Variants in HNRNPA2B1 observed in about 807,000 individuals in gnomAD.
HNRNPA2B1 encodes the protein heterogeneous nuclear ribonucleoprotein A2/B1.
HNRNPA2B1 carries 3 observed loss-of-function variants against 46.3 expected under a neutral mutation model. The ratio of observed to expected loss-of-function variants is 0.06; its 90% confidence interval spans 0.03 to 0.17. The LOEUF (loss-of-function observed/expected upper bound fraction) is 0.17. Ranked by LOEUF, HNRNPA2B1 falls within the 10% of genes least tolerant of loss-of-function variation. The pLI, the probability that HNRNPA2B1 is intolerant of heterozygous loss-of-function variation, is 1.00. For synonymous variants in HNRNPA2B1, 225 were observed against 133.8 expected, an observed-to-expected ratio of 1.68 and a Z score of -4.70; for missense variants, 221 against 418.9, an observed-to-expected ratio of 0.53 and a Z score of 4.12.
chr7:26,193,707 A>G lies in HNRNPA2B1; in HGVS notation c.722-13T>C. Reference sequence around the variant, plus strand: ...CCAAAATTGCCACCTATTATAAAATAAGCCTTTAAGTAATCACTTAATATT... The same window carrying G: ...CCAAAATTGCCACCTATTATAAAATGAGCCTTTAAGTAATCACTTAATATT... On this transcript the variant is annotated splice_polypyrimidine_tract_variant and intron_variant, in intron 7 of 10. Coordinates refer to ENST00000618183, the MANE Select transcript of HNRNPA2B1 (RefSeq NM_002137.4). 1.2e-6 allele frequency: 2 copies of G among 1,605,670 alleles called. No individual in the cohort carries two copies. Among genetic ancestry groups the G allele is most frequent in the South Asian group, 2.2e-5 (2 of 90,250 alleles).
rs546204428 is a variant in HNRNPA2B1 at position 26,200,036 on chromosome 7, A to G, written c.6+536T>C. The G allele has an allele frequency of 1.6e-3, 257 of 159,576 alleles. 1 individual carries two copies. Among genetic ancestry groups the G allele is most frequent in the Middle Eastern group, 3.3e-3 (1 of 300 alleles). The allele number at this position is 159,576 out of a possible 1,614,324, so 9.9% of individuals were successfully genotyped here. A position where few individuals can be genotyped will look rare whatever the true frequency, so the allele number is the denominator to read the frequency against. ...CGATATGAAAACAGCCCGAGAAGAA[A>G]AAAAAATAGTTAACCACTTCTACTT... On this transcript the variant is annotated intron_variant, in intron 1 of 10. Transcript: ENST00000618183.
chr7:26,199,108 C>T (rs954166149), intron 1 of HNRNPA2B1: 1 of 152,406 alleles, frequency 6.6e-6, no homozygotes, highest in African/African-American at 2.4e-5. Flanking sequence ...CATAGGTTAT[C>T]TCTAAACTGA....
intron 1 of HNRNPA2B1, chr7:26,200,109 C>A: frequency 5.0e-6 from 1 of 198,966 alleles, no homozygotes; most frequent in East Asian, 1.3e-4. Context: ...ATAAGGAAAA[C>A]GCTGAGAGGA....
intron 7 of HNRNPA2B1, among the ~76,000 whole-genome samples, chr7:26,194,375 G>A (rs965395471): frequency 6.6e-6 from 1 of 150,558 alleles, no homozygotes; most frequent in Non-Finnish European, 1.5e-5. Flanking sequence ...CAGCCTGGGC[G>A]ACAGAGAGAG....
Position 26,192,269 on chromosome 7 carries a change from GT to G in HNRNPA2B1, c.*90del, listed in dbSNP as rs1583962884. On this transcript the variant is annotated 3_prime_UTR_variant, in exon 11 of 11. Transcript: ENST00000618183. ...CTGAGATAAGAGTTTCCTTAACATT[GT>G]TATTTCGATAACCTGAAGCTGTTCT... 1 of 468,360 alleles carries G rather than the reference GT, an allele frequency of 2.1e-6. No homozygotes were observed. Among genetic ancestry groups the G allele is most frequent in the Non-Finnish European group, 3.8e-6 (1 of 261,236 alleles). 29.0% of individuals were successfully genotyped at this position (468,360 alleles called of 1,614,324 possible).
At position 26,190,784 on chromosome 7, in the gene HNRNPA2B1, A is replaced by G. The variant is rs1156464759; in HGVS notation, c.*1576T>C. ...ACACTTCACTCAAGTATGAACTACT[A>G]TCTGAAAATAGATTCAACCATTTTT... is the stretch of plus-strand genomic sequence containing the variant. On this transcript the variant is annotated 3_prime_UTR_variant, in exon 11 of 11. Coordinates refer to ENST00000618183, the MANE Select transcript of HNRNPA2B1 (RefSeq NM_002137.4). The G allele has an allele frequency of 1.3e-5, 2 of 152,232 alleles. No individual in the cohort carries two copies. Among genetic ancestry groups the G allele is most frequent in the East Asian group, 3.8e-4 (2 of 5,198 alleles). 9.4% of individuals were successfully genotyped at this position (152,232 alleles called of 1,614,324 possible).
In HNRNPA2B1 at chr7:26,192,740, G is replaced by A. The variant is rs191801121; in HGVS notation, c.965-163C>T. On this transcript the variant is annotated intron_variant, in intron 9 of 10. Transcript: ENST00000618183. ...GAATTACTCAGGAGATAAATTACTC[G>A]GGTTCATAGACATTTTTATTTCGTG... Among the ~76,000 whole-genome samples the A allele has an allele frequency of 3.2e-4, 49 of 152,118 alleles. No individual in the cohort carries two copies. In the Middle Eastern group the frequency reaches 0.01, roughly 32 times the overall value.
chr7:26,200,707 C>G lies in HNRNPA2B1; in HGVS notation c.-130G>C. On this transcript the variant is annotated 5_prime_UTR_variant, in exon 1 of 11. Transcript: ENST00000618183. ...TGCCGCTGCTCGAGAAACAACTCTG[C>G]GAGGAGCACCTCCGCACGGGACCCG... 3.4e-6 allele frequency: 4 copies of G among 1,163,992 alleles called. No homozygotes were observed. The highest frequency in any genetic ancestry group is 5.1e-6 in the Non-Finnish European group (4 of 780,438). 72.1% of individuals were successfully genotyped at this position (1,163,992 alleles called of 1,614,324 possible).
At chr7:26,198,306 C>T (rs1227976292) in intron 1 of HNRNPA2B1, 2 of 153,876 alleles carry the variant, frequency 1.3e-5, no homozygotes, top group African/African-American at 4.8e-5. Context: ...ACAACAAACA[C>T]TAAGTTTCTC....
intron 1 of HNRNPA2B1, chr7:26,200,045 G>C (rs966107092): frequency 1.3e-5 from 2 of 159,540 alleles, no homozygotes; most frequent in Non-Finnish European, 2.8e-5. Flanking sequence ...AAAAAAAATA[G>C]TTAACCACTT....
In HNRNPA2B1 at chr7:26,192,253, G is replaced by A. The variant is rs778830338; in HGVS notation, c.*107C>T. On this transcript the variant is annotated 3_prime_UTR_variant, in exon 11 of 11. Coordinates refer to ENST00000618183, the MANE Select transcript of HNRNPA2B1 (RefSeq NM_002137.4). ...GCATATTTATGCATGACTGAGATAA[G>A]AGTTTCCTTAACATTGTTATTTCGA... 5.1e-5 allele frequency: 22 copies of A among 428,358 alleles called. No homozygotes were observed. The highest frequency in any genetic ancestry group is 8.0e-5 in the Non-Finnish European group (19 of 237,512). 26.5% of individuals were successfully genotyped at this position (428,358 alleles called of 1,614,324 possible).
chr7:26,193,196 A>G, intron 9 of HNRNPA2B1, 55 bp downstream of exon 9: 1 of 1,549,772 alleles, frequency 6.5e-7, no homozygotes, highest in African/African-American at 1.4e-5. Flanking sequence ...TTAAGTCACA[A>G]AAGGCTAATC....
intron 7 of HNRNPA2B1, among the ~76,000 whole-genome samples, chr7:26,193,932 C>A (rs1783198163): frequency 6.6e-6 from 1 of 152,166 alleles, no homozygotes; most frequent in Non-Finnish European, 1.5e-5. Context: ...CACAGCTTTC[C>A]CTCAAAACTA....
chr7:26,198,128 A>G, intron 1 of HNRNPA2B1: 1 of 332,490 alleles, frequency 3.0e-6, no homozygotes, highest in East Asian at 5.0e-5. Flanking sequence ...TACAACCTAA[A>G]AACGCAAATT....
At chr7:26,200,208 C>T (rs1390730120) in intron 1 of HNRNPA2B1, 5 of 308,528 alleles carry the variant, frequency 1.6e-5, no homozygotes, top group Admixed American at 9.5e-5. Flanking sequence ...CGAGGACCTG[C>T]TGCCCGCCGA....
chr7:26,197,274 G>T (rs747988963), intron 3 of HNRNPA2B1, 41 bp downstream of exon 3: 25 of 1,556,764 alleles, frequency 1.6e-5, no homozygotes, highest in South Asian at 1.3e-4. Context: ...GCAGGGCAGC[G>T]TTCTTCATGT....
intron 1 of HNRNPA2B1, 60 bp from the exon 2 acceptor site, chr7:26,197,792 T>G: frequency 6.2e-7 from 1 of 1,600,140 alleles, no homozygotes; most frequent in Non-Finnish European, 8.5e-7. Flanking sequence ...ATGCAGGAAA[T>G]TAAATTCTTA....
chr7:26,196,367 C>T, intron 6 of HNRNPA2B1, 34 bp downstream of exon 6: 8 of 1,521,350 alleles, frequency 5.3e-6, no homozygotes, highest in Non-Finnish European at 6.3e-6. Context: ...TAAAAGCACA[C>T]TCATCCTTTA....
chr7:26,200,443 A>C (rs970221072), intron 1 of HNRNPA2B1, 129 bp downstream of exon 1: 4 of 906,214 alleles, frequency 4.4e-6, no homozygotes, highest in Middle Eastern at 2.1e-4. Context: ...ATAAACCTTA[A>C]GCCCCACTGC....
Sources: gnomAD v4.1 joint callset for allele counts (sites outside exome capture counted in the v4.1 genomes callset) on GRCh38, gnomAD v4.1.1 for gene constraint, MANE v1.5 for transcripts, NCBI Gene and HGNC (gene_info 2026-07-23, HGNC 2026-07-21) for gene names.